Variants in GNL3L observed in about 807,000 individuals in gnomAD.
The protein encoded by GNL3L is guanine nucleotide-binding protein-like 3-like protein.
A neutral mutation model predicts 42.9 loss-of-function variants in GNL3L; 4 were observed. The ratio of observed to expected loss-of-function variants is 0.09; its 90% CI spans 0.05 to 0.21. GNL3L has a LOEUF of 0.21. GNL3L is among the 10% of genes least tolerant of loss of function. The probability of loss-of-function intolerance (pLI) is 1.00; values close to 1 mark genes in which losing one functional copy is unlikely to be tolerated. For missense variants in GNL3L, 412 were observed against 481.7 expected, an observed-to-expected ratio of 0.86 and a Z score of 1.36; for synonymous variants, 159 against 176.3, an observed-to-expected ratio of 0.90 and a Z score of 0.78.
At chrX:54,641,317 C>T in the GNL3L span, among the ~76,000 whole-genome samples, 1 of 111,214 alleles carries the variant, frequency 9.0e-6, no homozygotes, top group Admixed American at 9.6e-5. Flanking sequence ...AAAGTCTGTC[C>T]TGTATAATGA....
At chrX:54,607,073 TCTTTCTTTC>T (rs1327829262) in intron 16 of GNL3L, among the ~76,000 whole-genome samples, 664 of 23,564 alleles carry the variant, frequency 0.028, 17 homozygotes, top group African/African-American at 0.067. Flanking sequence ...TCTTTCTTTC[TCTTTCTTTC>T]TTCTTTCTTT....
At chrX:54,585,338 G>T (rs949600932) in intron 16 of GNL3L, among the ~76,000 whole-genome samples, 3 of 110,408 alleles carry the variant, frequency 2.7e-5, no homozygotes, top group Non-Finnish European at 5.7e-5. Flanking sequence ...AAAGATTGGT[G>T]TTCTTTTTAA....
intron 10 of GNL3L, 67 bp from the exon 11 acceptor site, chrX:54,551,501 G>A: frequency 3.1e-6 from 3 of 974,817 alleles, no homozygotes; most frequent in Non-Finnish European, 4.3e-6. Context: ...CACATCCCAG[G>A]CCCACCTTCG....
intron 2 of GNL3L, among the ~76,000 whole-genome samples, chrX:54,534,945 G>T (rs1924374780): frequency 9.0e-6 from 1 of 111,472 alleles, no homozygotes; most frequent in Non-Finnish European, 1.9e-5. Flanking sequence ...GTCCAGACCT[G>T]GTTCATTCCA....
At chrX:54,553,615 C>T (rs765698759) in intron 13 of GNL3L, among the ~76,000 whole-genome samples, 8 of 111,621 alleles carry the variant, frequency 7.2e-5, no homozygotes, top group Non-Finnish European at 1.5e-4. Context: ...TCTGGGCTTA[C>T]TGCAATCTCT....
intron 8 of GNL3L, 122 bp downstream of exon 8, chrX:54,544,448 A>G: frequency 5.1e-6 from 2 of 391,182 alleles, no homozygotes; most frequent in South Asian, 4.5e-5. Context: ...TTCAACTTTG[A>G]GCTTTTTGCT....
At chrX:54,575,016 T>A (rs763001318) in intron 16 of GNL3L, among the ~76,000 whole-genome samples, 1 of 112,541 alleles carries the variant, frequency 8.9e-6, no homozygotes, top group South Asian at 3.6e-4. Flanking sequence ...GTTTCTTGGT[T>A]AGTTTACCTA....
At chrX:54,596,281 A>T (rs181917392) in intron 16 of GNL3L, among the ~76,000 whole-genome samples, 17 of 112,047 alleles carry the variant, frequency 1.5e-4, no homozygotes, top group Non-Finnish European at 3.0e-4. Context: ...AAAGGCACCC[A>T]AGCACAGTAA....
At chrX:54,610,153 G>T (rs1427380403) in intron 16 of GNL3L, among the ~76,000 whole-genome samples, 1 of 111,239 alleles carries the variant, frequency 9.0e-6, no homozygotes, top group African/African-American at 3.3e-5. Context: ...TCTCTGCTTG[G>T]TCGCTCTTGG....
chrX:54,643,486 A>G, the GNL3L span, among the ~76,000 whole-genome samples: 74 of 110,093 alleles, frequency 6.7e-4, 1 homozygote, highest in South Asian at 0.028. Flanking sequence ...ATGGGTACAC[A>G]ATTTAATTTT....
chrX:54,545,425 C>T (rs1186047769), intron 8 of GNL3L, among the ~76,000 whole-genome samples: 2 of 109,486 alleles, frequency 1.8e-5, no homozygotes, highest in Non-Finnish European at 3.8e-5. Flanking sequence ...AGGCTGGTCT[C>T]GAACTCCTGA....
In GNL3L at chrX:54,552,314, C is replaced by T. The variant is rs759445846; in HGVS notation, c.1204C>T (p.Pro402Ser). Residue 402 changes from proline to serine, a missense_variant, in exon 13 of 16, where the codon CCA (proline) becomes TCA (serine). Coordinates refer to ENST00000360845, the MANE Select transcript of GNL3L (RefSeq NM_001184819.2). ...CAGCGGGAAGATCAGCTTCTATATA[C>T]CACCACCAGCCACTCACACTCTGCC... ...WVSGKISFYI[P>S]PPATHTLPTH... is the part of the protein sequence containing the mutation. The T allele has an allele frequency of 2.5e-6, 3 of 1,205,717 alleles. No individual in the cohort carries two copies. Among genetic ancestry groups the T allele is most frequent in the Non-Finnish European group, 3.4e-6 (3 of 890,142 alleles).
intron 16 of GNL3L, among the ~76,000 whole-genome samples, chrX:54,573,027 T>C (rs1480793949): frequency 9.7e-6 from 1 of 103,381 alleles, no homozygotes; most frequent in African/African-American, 3.6e-5. Flanking sequence ...ACAGATGGGA[T>C]GGCGGCCGGG....
the GNL3L span, among the ~76,000 whole-genome samples, chrX:54,636,907 T>C: frequency 8.9e-6 from 1 of 111,988 alleles, no homozygotes; most frequent in Non-Finnish European, 1.9e-5. Flanking sequence ...ATGGGATTGC[T>C]CAGTCAAATG....
intron 16 of GNL3L, among the ~76,000 whole-genome samples, chrX:54,602,146 A>G (rs1452257311): frequency 9.0e-6 from 1 of 111,408 alleles, no homozygotes; most frequent in Non-Finnish European, 1.9e-5. Context: ...TTAAGTTTAT[A>G]AGGAACTGCC....
At position 54,563,361 on chromosome X, in the gene GNL3L, C is replaced by T. The variant is rs1013296605; in HGVS notation, c.*2759C>T. On this transcript the variant is annotated 3_prime_UTR_variant, in exon 16 of 16. Coordinates refer to ENST00000360845, the MANE Select transcript of GNL3L (RefSeq NM_001184819.2). ...AAATTACGGGTTTATCAGGAGGTGA[C>T]CCCATCGGTAATGGAGAAGTGCTGG... 6.3e-5 allele frequency among the ~76,000 whole-genome samples: 7 copies of T among 111,293 alleles called. No homozygotes were observed. Among genetic ancestry groups the T allele is most frequent in the Admixed American group, 1.9e-4 (2 of 10,340 alleles).
Position 54,560,893 on chromosome X carries a change from A to T in GNL3L, c.*291A>T. ...CCGTCTCTACTAAAAATACAAAAAA[A>T]TTTAGCCGTGCTTAGTGGCACCTAT... On this transcript the variant is annotated 3_prime_UTR_variant, in exon 16 of 16. Transcript: ENST00000360845. 6.4e-6 allele frequency: 1 copy of T among 157,256 alleles called. No homozygotes were observed. The highest frequency in any genetic ancestry group is 1.2e-5 in the Non-Finnish European group (1 of 81,000). The allele number at this position is 157,256 out of a possible 1,213,427, so 13.0% of individuals were successfully genotyped here. A position where few individuals can be genotyped will look rare whatever the true frequency, so the allele number is the denominator to read the frequency against.
intron 16 of GNL3L, among the ~76,000 whole-genome samples, chrX:54,574,427 A>G (rs750432160): frequency 7.1e-5 from 8 of 112,211 alleles, no homozygotes; most frequent in East Asian, 2.8e-4. Flanking sequence ...AATATAGCGT[A>G]TTGCATTAAT....
the GNL3L span, among the ~76,000 whole-genome samples, chrX:54,642,546 T>A: frequency 2.6e-3 from 280 of 108,983 alleles, 1 homozygote; most frequent in African/African-American, 8.9e-3. Context: ...TAAAAAAAAA[T>A]TTTTTTTCCT....
Sources: allele counts gnomAD v4.1 joint callset (sites outside exome capture counted in the v4.1 genomes callset), GRCh38; gene constraint gnomAD v4.1.1; transcripts MANE v1.5; gene names NCBI Gene and HGNC (gene_info 2026-07-23, HGNC 2026-07-21).